Variants in GHR observed in about 807,000 individuals in gnomAD.
The protein encoded by GHR is GH receptor.
GHR carries 35 observed loss-of-function variants against 67.1 expected under a neutral mutation model. The observed-to-expected ratio is 0.52, with a 90% confidence interval of 0.40 to 0.69. The LOEUF (loss-of-function observed/expected upper bound fraction) is 0.69. Among genes scored for constraint, GHR ranks in the 30% least tolerant of loss-of-function variants. GHR has a pLI of 0.00. For synonymous variants in GHR, 272 were observed against 269.1 expected (o/e 1.01, Z -0.10); for missense variants, 792 against 764.6 (o/e 1.04, Z -0.42).
chr5:42,482,621 C>G (rs181423899), intron 1 of GHR, among the ~76,000 whole-genome samples: 136 of 152,300 alleles, frequency 8.9e-4, no homozygotes, highest in African/African-American at 3.1e-3. Context: ...CCTTGCAGTT[C>G]AATCTTAGAC....
intron 3 of GHR, among the ~76,000 whole-genome samples, chr5:42,673,377 G>T (rs115223704): frequency 0.021 from 3,189 of 152,226 alleles, 98 homozygotes; most frequent in African/African-American, 0.07. Flanking sequence ...TTGAAACAGA[G>T]TTACCATTCA....
rs1758899939 is a variant in GHR, at chr5:42,719,290, TATA to T, written c.1784_1786del (p.Tyr595_Thr596delinsSer). The T allele has an allele frequency of 1.9e-6, 3 of 1,614,170 alleles. No homozygotes were observed. Among genetic ancestry groups the T allele is most frequent in the East Asian group, 4.5e-5 (2 of 44,882 alleles). On this transcript the variant is annotated inframe_deletion, in exon 10 of 10. Transcript: ENST00000230882. ...AGGTTCTGAGATGCCTGTCCCAGAC[TATA>T]CCTCCATTCATATAGTACAGTCCCC...
chr5:42,717,317 T>A (rs114908576), intron 8 of GHR, among the ~76,000 whole-genome samples: 1,930 of 152,142 alleles, frequency 0.013, 48 homozygotes, highest in African/African-American at 0.044. Flanking sequence ...TTAAAAAAAA[T>A]TAAAAACACC....
At chr5:42,457,693 A>T (rs1199955438) in intron 1 of GHR, among the ~76,000 whole-genome samples, 1 of 152,076 alleles carries the variant, frequency 6.6e-6, no homozygotes, top group African/African-American at 2.4e-5. Flanking sequence ...TTAAATATTA[A>T]TTTTTTCATA....
At chr5:42,633,826 A>G (rs763591860) in intron 3 of GHR, among the ~76,000 whole-genome samples, 6 of 152,052 alleles carry the variant, frequency 3.9e-5, no homozygotes, top group Non-Finnish European at 8.8e-5. Context: ...CATTATATCC[A>G]TTTACAATGA....
At chr5:42,687,718 AT>A (rs1263175499) in intron 3 of GHR, among the ~76,000 whole-genome samples, 3 of 152,204 alleles carry the variant, frequency 2.0e-5, no homozygotes, top group Non-Finnish European at 4.4e-5. Context: ...CATATTATTT[AT>A]TTTTAAGAGA....
chr5:42,665,039 A>T (rs537419898), intron 3 of GHR, among the ~76,000 whole-genome samples: 25 of 152,352 alleles, frequency 1.6e-4, no homozygotes, highest in South Asian at 4.1e-4. Flanking sequence ...TCAAAACCAC[A>T]ATGAGATACC....
At chr5:42,633,443 A>G (rs1245603357) in intron 3 of GHR, among the ~76,000 whole-genome samples, 2 of 152,224 alleles carry the variant, frequency 1.3e-5, no homozygotes, top group Non-Finnish European at 1.5e-5. Flanking sequence ...AACAATTGTG[A>G]GTTACATTAA....
chr5:42,445,306 C>G (rs1040355056), intron 1 of GHR, among the ~76,000 whole-genome samples: 11 of 152,080 alleles, frequency 7.2e-5, no homozygotes, highest in African/African-American at 2.7e-4. Flanking sequence ...ATTGCTAATG[C>G]ACATTATGAG....
rs779319281 is a variant in GHR at position 42,719,194 on chromosome 5, G to T, written c.1687G>T (p.Glu563Ter). The change falls in exon 10 of 10, where the codon GAG becomes TAG. Residue 563 changes from glutamate (E) to a stop codon, truncating the protein, a stop_gained. Transcript: ENST00000230882. LOFTEE classifies it high-confidence loss of function. Reference sequence around the variant, plus strand: ...ACACATACAGCCAAGCTTAAACCAAGAGGACATTTACATCACCACAGAAAG... The same window carrying T: ...ACACATACAGCCAAGCTTAAACCAATAGGACATTTACATCACCACAGAAAG... ...ESHIQPSLNQ[E>*]DIYITTESLT... The T allele has an allele frequency of 9.9e-6, 16 of 1,613,974 alleles. No homozygotes were observed. The highest frequency in any genetic ancestry group is 1.3e-5 in the African/African-American group (1 of 74,940).
chr5:42,538,077 C>T (rs1411954955), intron 1 of GHR, among the ~76,000 whole-genome samples: 8 of 152,172 alleles, frequency 5.3e-5, no homozygotes, highest in Non-Finnish European at 1.5e-5. Context: ...CTCCTGAAGG[C>T]AGCAGATACT....
intron 1 of GHR, among the ~76,000 whole-genome samples, chr5:42,553,241 C>T (rs1360285365): frequency 1.3e-5 from 2 of 152,192 alleles, no homozygotes; most frequent in Non-Finnish European, 2.9e-5. Flanking sequence ...GTTTGCAAGG[C>T]AGAAATCAGT....
intron 3 of GHR, among the ~76,000 whole-genome samples, chr5:42,646,594 A>G (rs529414038): frequency 1.3e-5 from 2 of 152,198 alleles, no homozygotes; most frequent in African/African-American, 2.4e-5. Flanking sequence ...AGTGACTACA[A>G]ATAAAATATT....
intron 1 of GHR, among the ~76,000 whole-genome samples, chr5:42,447,541 G>C (rs947807575): frequency 4.6e-5 from 7 of 151,992 alleles, no homozygotes; most frequent in Non-Finnish European, 8.8e-5. Flanking sequence ...AGGCATTTAG[G>C]CTTGTTCCAT....
intron 1 of GHR, among the ~76,000 whole-genome samples, chr5:42,547,082 C>T (rs183677398): frequency 6.6e-6 from 1 of 152,310 alleles, no homozygotes; most frequent in Admixed American, 6.5e-5. Flanking sequence ...ATATTAGCCA[C>T]AATTCACAAT....
chr5:42,660,126 C>G (rs919765117), intron 3 of GHR, among the ~76,000 whole-genome samples: 6 of 152,132 alleles, frequency 3.9e-5, no homozygotes, highest in Admixed American at 1.3e-4. Context: ...TGGGTGGAGC[C>G]CACAACAGCT....
chr5:42,540,950 T>C (rs1748488849), intron 1 of GHR, among the ~76,000 whole-genome samples: 1 of 151,948 alleles, frequency 6.6e-6, no homozygotes, highest in Admixed American at 6.6e-5. Flanking sequence ...CTTGTTTTTT[T>C]TTTTTTGTCT....
At chr5:42,533,492 T>C (rs1050125922) in intron 1 of GHR, among the ~76,000 whole-genome samples, 13 of 151,968 alleles carry the variant, frequency 8.6e-5, no homozygotes, top group African/African-American at 3.1e-4. Context: ...TTTATTACTC[T>C]AGATTTTGAG....
chr5:42,549,750 T>C, intron 1 of GHR: 3 of 710,412 alleles, frequency 4.2e-6, no homozygotes, highest in Non-Finnish European at 5.2e-6. Context: ...TCTCTAAAAG[T>C]ACTGGGGGGT....
Sources: allele counts gnomAD v4.1 joint callset (sites outside exome capture counted in the v4.1 genomes callset), GRCh38; gene constraint gnomAD v4.1.1; transcripts MANE v1.5; gene names NCBI Gene and HGNC (gene_info 2026-07-23, HGNC 2026-07-21).